ANTXR2: variants seen among roughly 807,000 people sequenced by gnomAD.
The protein encoded by ANTXR2 is ANTXR cell adhesion molecule 2.
In ANTXR2, 44 loss-of-function variants were observed where a neutral mutation model predicts 73.7. The ratio of observed to expected loss-of-function variants is 0.60; its 90% confidence interval spans 0.47 to 0.77. The LOEUF is 0.77. Among genes scored for constraint, ANTXR2 ranks in the 30% least tolerant of loss-of-function variants. The pLI, the probability that ANTXR2 is intolerant of heterozygous loss-of-function variation, is 0.00. For missense variants in ANTXR2, 604 were observed against 592.5 expected (o/e 1.02, Z -0.20); for synonymous variants, 217 against 205.9 (o/e 1.05, Z -0.46).
At chr4:79,925,561 C>T (rs765274969) in intron 16 of ANTXR2, among the ~76,000 whole-genome samples, 5 of 151,994 alleles carry the variant, frequency 3.3e-5, no homozygotes, top group Non-Finnish European at 5.9e-5. Context: ...TATAATAATA[C>T]TAATTTTCAG....
chr4:80,037,534 A>C (rs1733036237), intron 7 of ANTXR2, among the ~76,000 whole-genome samples: 2 of 152,136 alleles, frequency 1.3e-5, no homozygotes, highest in African/African-American at 2.4e-5. Context: ...GGCCCATTTA[A>C]ATCCAGAAAT....
Position 80,067,404 on chromosome 4 carries a change from C to A in ANTXR2, c.296+2032G>T, listed in dbSNP as rs72867900. 4.5e-3 allele frequency among the ~76,000 whole-genome samples: 680 copies of A among 152,296 alleles called. 6 individuals carry two copies. Among genetic ancestry groups the A allele is most frequent in the African/African-American group, 0.016 (660 of 41,570 alleles). The stretch of plus-strand genomic sequence containing the variant: ...CTTCAAAGTGCTGAGGAACCATATG[C>A]AAAGTGTCTAGCAAAGAACCTGGCA... On this transcript the variant is annotated intron_variant, in intron 3 of 16. Coordinates refer to ENST00000403729, the MANE Select transcript of ANTXR2 (RefSeq NM_058172.6).
chr4:79,981,263 A>G (rs1729877571), intron 14 of ANTXR2, among the ~76,000 whole-genome samples: 1 of 152,216 alleles, frequency 6.6e-6, no homozygotes, highest in African/African-American at 2.4e-5. Flanking sequence ...AAAATCTAAA[A>G]TTCAAAATGC....
chr4:79,919,759 G>C (rs186492396), intron 16 of ANTXR2, among the ~76,000 whole-genome samples: 59 of 149,912 alleles, frequency 3.9e-4, no homozygotes, highest in African/African-American at 1.4e-3. Context: ...GCCTATTGTG[G>C]GACCTCACCT....
chr4:80,015,906 GAAAGGAAAGGAAAGGAA>G (rs1348067832), intron 11 of ANTXR2, among the ~76,000 whole-genome samples: 8 of 74,210 alleles, frequency 1.1e-4, no homozygotes, highest in African/African-American at 1.6e-4. Context: ...GAAAGGAAAG[GAAAGGAAAGGAAAGGAA>G]AAAGGAAAGG....
intron 9 of ANTXR2, among the ~76,000 whole-genome samples, chr4:80,032,756 A>G (rs1306880020): frequency 6.6e-6 from 1 of 151,924 alleles, no homozygotes; most frequent in Non-Finnish European, 1.5e-5. Flanking sequence ...TAGATACTCA[A>G]GATGCTCAGA....
intron 11 of ANTXR2, among the ~76,000 whole-genome samples, chr4:80,016,036 T>C (rs1578157782): frequency 6.6e-6 from 1 of 151,684 alleles, no homozygotes; most frequent in East Asian, 1.9e-4. Flanking sequence ...ATGAAGTGTA[T>C]TTCCTCAATC....
At chr4:80,046,286 T>C (rs1271084485) in intron 7 of ANTXR2, among the ~76,000 whole-genome samples, 2 of 151,762 alleles carry the variant, frequency 1.3e-5, no homozygotes, top group Non-Finnish European at 2.9e-5. Context: ...GTCTTGCTGT[T>C]TCATTACAAT....
chr4:80,006,774 T>A (rs954528473), intron 12 of ANTXR2, among the ~76,000 whole-genome samples: 3 of 152,206 alleles, frequency 2.0e-5, no homozygotes, highest in Non-Finnish European at 2.9e-5. Flanking sequence ...TCATTTTGCA[T>A]ATGTCTTTTT....
chr4:79,981,527 T>C (rs906867951), intron 14 of ANTXR2, among the ~76,000 whole-genome samples: 3 of 152,178 alleles, frequency 2.0e-5, no homozygotes, highest in Non-Finnish European at 2.9e-5. Flanking sequence ...GTGTCAAACA[T>C]ATTCCTCTTA....
At chr4:80,047,373 A>C (rs1733568225) in intron 7 of ANTXR2, among the ~76,000 whole-genome samples, 2 of 151,822 alleles carry the variant, frequency 1.3e-5, no homozygotes. Flanking sequence ...GTGTCTTCTT[A>C]GAATATATGT....
intron 12 of ANTXR2, among the ~76,000 whole-genome samples, 159 bp downstream of exon 12, chr4:80,008,362 G>A (rs1275868608): frequency 1.3e-5 from 2 of 152,076 alleles, no homozygotes; most frequent in African/African-American, 4.8e-5. Flanking sequence ...TTACTGACCT[G>A]CATGTTTTCT....
intron 16 of ANTXR2, among the ~76,000 whole-genome samples, chr4:79,919,172 T>G (rs1727469289): frequency 6.6e-6 from 1 of 152,024 alleles, no homozygotes. Flanking sequence ...ACTTAAGAAC[T>G]GGAACAAATA....
intron 12 of ANTXR2, among the ~76,000 whole-genome samples, chr4:79,997,238 T>C (rs1473295802): frequency 1.3e-5 from 2 of 151,824 alleles, no homozygotes; most frequent in African/African-American, 4.8e-5. Flanking sequence ...TGAAAAGAAC[T>C]GTCAACATTG....
chr4:79,978,397 A>T (rs1729737100), intron 14 of ANTXR2, among the ~76,000 whole-genome samples: 1 of 152,158 alleles, frequency 6.6e-6, no homozygotes, highest in Admixed American at 6.5e-5. Flanking sequence ...TTTGTAAAAA[A>T]ATCTGGAGCC....
Position 79,903,053 on chromosome 4 carries a change from G to A in ANTXR2, c.*4376C>T, listed in dbSNP as rs1255738058. 6.6e-6 allele frequency: 1 copy of A among 151,990 alleles called. No individual in the cohort carries two copies. The highest frequency in any genetic ancestry group is 2.4e-5 in the African/African-American group (1 of 41,342). 9.4% of individuals were successfully genotyped at this position (151,990 alleles called of 1,614,324 possible). A position where few individuals can be genotyped will look rare whatever the true frequency, so the allele number is the denominator to read the frequency against. ...AATCCCAGCTACTCAGGAGGCTGAG[G>A]GATGAGAATCACTTGAACCCAGGAA... On this transcript the variant is annotated 3_prime_UTR_variant, in exon 17 of 17. Coordinates refer to ENST00000403729, the MANE Select transcript of ANTXR2 (RefSeq NM_058172.6).
intron 16 of ANTXR2, among the ~76,000 whole-genome samples, chr4:79,914,912 T>G (rs1727284310): frequency 6.6e-6 from 1 of 152,176 alleles, no homozygotes; most frequent in Non-Finnish European, 1.5e-5. Context: ...GTGGAAACTT[T>G]ATTCTATTAC....
chr4:80,069,607 T>A, intron 2 of ANTXR2, 100 bp from the exon 3 acceptor site: 1 of 899,496 alleles, frequency 1.1e-6, no homozygotes, highest in Non-Finnish European at 1.7e-6. Flanking sequence ...TTGGTCTCAC[T>A]GAATGGTCCA....
intron 11 of ANTXR2, among the ~76,000 whole-genome samples, chr4:80,013,138 T>G (rs1731680086): frequency 6.6e-6 from 1 of 152,238 alleles, no homozygotes; most frequent in Non-Finnish European, 1.5e-5. Context: ...AGAGATCCAT[T>G]TTAAAGATCT....
Sources: allele counts gnomAD v4.1 joint callset (sites outside exome capture counted in the v4.1 genomes callset), GRCh38; gene constraint gnomAD v4.1.1; transcripts MANE v1.5; gene names NCBI Gene and HGNC (gene_info 2026-07-23, HGNC 2026-07-21).